The following DENND5B variants were observed in gnomAD, a reference collection of about 807,000 sequenced individuals.
DENND5B encodes the protein DENN domain containing 5B.
A neutral mutation model predicts 140.6 loss-of-function variants in DENND5B; 34 were observed. The observed-to-expected ratio is 0.24, with a 90% confidence interval of 0.18 to 0.32. The LOEUF (loss-of-function observed/expected upper bound fraction) is 0.32, where lower values mean the gene tolerates loss of function less well. DENND5B is among the 10% of genes least tolerant of loss of function. The probability of loss-of-function intolerance (pLI) is 1.00; values close to 1 mark genes in which losing one functional copy is unlikely to be tolerated. For missense variants in DENND5B, 1,142 were observed against 1,560.2 expected (o/e 0.73, Z 4.52); for synonymous variants, 551 against 562.1 (o/e 0.98, Z 0.28).
intron 1 of DENND5B, among the ~76,000 whole-genome samples, chr12:31,512,378 CT>C (rs956683191): frequency 8.0e-6 from 1 of 125,262 alleles, no homozygotes; most frequent in Admixed American, 9.7e-5. Context: ...CACCACACCC[CT>C]GGCTAATTTT....
intron 1 of DENND5B, among the ~76,000 whole-genome samples, chr12:31,547,728 G>T (rs983791946): frequency 4.0e-5 from 6 of 151,762 alleles, no homozygotes; most frequent in Admixed American, 3.9e-4. Context: ...TTTTTGAGAC[G>T]GAGTTTTGCT....
At chr12:31,449,517 G>A (rs992510332) in intron 5 of DENND5B, among the ~76,000 whole-genome samples, 1 of 152,004 alleles carries the variant, frequency 6.6e-6, no homozygotes, top group Non-Finnish European at 1.5e-5. Flanking sequence ...TGGCTTGTAC[G>A]ACTAGTATGT....
intron 1 of DENND5B, among the ~76,000 whole-genome samples, chr12:31,525,792 G>A (rs74341103): frequency 0.011 from 1,740 of 152,292 alleles, 19 homozygotes; most frequent in East Asian, 0.032. Flanking sequence ...AGGAGCTCAT[G>A]ACCAGCCTGG....
At chr12:31,495,378 T>TC (rs1305970990) in intron 2 of DENND5B, among the ~76,000 whole-genome samples, 1 of 65,630 alleles carries the variant, frequency 1.5e-5, no homozygotes, top group Non-Finnish European at 2.8e-5. Flanking sequence ...GTATCACATT[T>TC]CTTTTTTTTT....
Position 31,415,435 on chromosome 12 carries a change from T to G in DENND5B, c.2484A>C (p.Pro828=), listed in dbSNP as rs779151926. 2 of 1,608,118 alleles carry G rather than the reference T, an allele frequency of 1.2e-6. No homozygotes were observed. Among genetic ancestry groups the G allele is most frequent in the Admixed American group, 3.4e-5 (2 of 59,476 alleles). Residue 828 remains proline, a synonymous_variant, in exon 12 of 21, where the codon CCA becomes CCC. Transcript: ENST00000389082. ...HLAESPVALG[P]ERRKSDSGVM... ...CTCCTGAGTCAGATTTTCTTCTTTC[T>G]GGTCCGAGGGCAACTATGTAGAAAA...
In DENND5B at chr12:31,590,928, G is replaced by T; in HGVS notation, c.-96C>A. 8.9e-7 allele frequency: 1 copy of T among 1,122,636 alleles called. No individual in the cohort carries two copies. Among genetic ancestry groups the T allele is most frequent in the Non-Finnish European group, 1.1e-6 (1 of 915,690 alleles). 69.5% of individuals were successfully genotyped at this position (1,122,636 alleles called of 1,614,324 possible). On this transcript the variant is annotated 5_prime_UTR_variant, in exon 1 of 21. Coordinates refer to ENST00000389082, the MANE Select transcript of DENND5B (RefSeq NM_144973.4). Reference sequence around the variant, plus strand: ...CGCTCCGGCTGTGGTCTGTGCGCCCGCCCTAGGGCGACACTGGCGCGCCCA... The same window carrying T: ...CGCTCCGGCTGTGGTCTGTGCGCCCTCCCTAGGGCGACACTGGCGCGCCCA...
intron 12 of DENND5B, among the ~76,000 whole-genome samples, chr12:31,414,588 G>A (rs1443939185): frequency 6.6e-6 from 1 of 152,100 alleles, no homozygotes; most frequent in Admixed American, 6.6e-5. Context: ...GGGAGGCCGA[G>A]GCGGGAGAAT....
intron 14 of DENND5B, among the ~76,000 whole-genome samples, chr12:31,406,349 A>G (rs1942127868): frequency 6.6e-6 from 1 of 152,218 alleles, no homozygotes; most frequent in Non-Finnish European, 1.5e-5. Flanking sequence ...AAAACAAATG[A>G]GATAAATGGT....
At chr12:31,535,200 C>T (rs1160260010) in intron 1 of DENND5B, 10 of 260,448 alleles carry the variant, frequency 3.8e-5, no homozygotes, top group Non-Finnish European at 6.0e-5. Context: ...TCCAGCCATC[C>T]GCCATCACTG....
intron 2 of DENND5B, among the ~76,000 whole-genome samples, chr12:31,494,367 A>G (rs1329988713): frequency 1.3e-5 from 2 of 152,070 alleles, no homozygotes; most frequent in African/African-American, 4.8e-5. Context: ...GCACAACATC[A>G]TGCAGGGATA....
At chr12:31,455,429 C>G (rs75794406) in intron 4 of DENND5B, among the ~76,000 whole-genome samples, 1 of 152,118 alleles carries the variant, frequency 6.6e-6, no homozygotes, top group Non-Finnish European at 1.5e-5. Context: ...AGGGCCCAAG[C>G]TGGGGCTTTG....
chr12:31,557,625 A>G (rs1300900091), intron 1 of DENND5B, among the ~76,000 whole-genome samples: 1 of 152,128 alleles, frequency 6.6e-6, no homozygotes, highest in African/African-American at 2.4e-5. Flanking sequence ...AAAGGCAAAA[A>G]GTAAACGTAC....
intron 1 of DENND5B, among the ~76,000 whole-genome samples, chr12:31,580,412 C>G (rs1310367344): frequency 1.3e-5 from 2 of 152,096 alleles, no homozygotes. Context: ...AATCATTTAT[C>G]CATTATCTTG....
chr12:31,572,224 CAA>C (rs63584260), intron 1 of DENND5B, among the ~76,000 whole-genome samples: 1 of 138,980 alleles, frequency 7.2e-6, no homozygotes, highest in African/African-American at 2.6e-5. Flanking sequence ...AACTCTGTCT[CAA>C]AAAAAAAAAG....
At chr12:31,484,095 C>A (rs1293785767) in intron 2 of DENND5B, among the ~76,000 whole-genome samples, 2 of 152,086 alleles carry the variant, frequency 1.3e-5, no homozygotes, top group Non-Finnish European at 2.9e-5. Context: ...CTCAAGTGAT[C>A]TGCCCGCCTT....
intron 8 of DENND5B, among the ~76,000 whole-genome samples, chr12:31,427,071 T>C (rs1943271999): frequency 6.6e-6 from 1 of 152,212 alleles, no homozygotes; most frequent in Non-Finnish European, 1.5e-5. Context: ...AAGCACGATG[T>C]GCTCCAAGTG....
intron 12 of DENND5B, 134 bp downstream of exon 12, chr12:31,415,233 C>A (rs1460014110): frequency 1.9e-5 from 11 of 576,014 alleles, no homozygotes; most frequent in African/African-American, 3.7e-5. Context: ...TAAATGAAAT[C>A]ATAAAAAATG....
intron 8 of DENND5B, among the ~76,000 whole-genome samples, chr12:31,430,186 C>G (rs904743954): frequency 6.6e-6 from 1 of 151,026 alleles, no homozygotes; most frequent in African/African-American, 2.4e-5. Context: ...CCACACCCGG[C>G]TAGTTTTTGT....
chr12:31,561,535 T>C (rs1316488382), intron 1 of DENND5B, among the ~76,000 whole-genome samples: 6 of 152,222 alleles, frequency 3.9e-5, no homozygotes, highest in Admixed American at 2.6e-4. Context: ...AGGGGCTTAC[T>C]TGAGACTTGA....
Sources: allele counts gnomAD v4.1 joint callset (sites outside exome capture counted in the v4.1 genomes callset), GRCh38; gene constraint gnomAD v4.1.1; transcripts MANE v1.5; gene names NCBI Gene and HGNC (gene_info 2026-07-23, HGNC 2026-07-21).